Variants in KCNIP4 observed in about 807,000 individuals in gnomAD.
KCNIP4 encodes potassium voltage-gated channel interacting protein 4.
KCNIP4 carries 12 observed loss-of-function variants against 34.0 expected under a neutral mutation model. The ratio of observed to expected loss-of-function variants is 0.35; its 90% CI spans 0.23 to 0.57. KCNIP4 has a LOEUF of 0.57. Ranked by LOEUF, KCNIP4 falls within the 20% of genes least tolerant of loss-of-function variation. The pLI is 0.83. For missense variants in KCNIP4, 238 were observed against 311.7 expected, an observed-to-expected ratio of 0.76 and a Z score of 1.78; for synonymous variants, 124 against 102.2, an observed-to-expected ratio of 1.21 and a Z score of -1.29.
chr4:20,990,973 A>G (rs1737032782), intron 1 of KCNIP4, among the ~76,000 whole-genome samples: 1 of 152,226 alleles, frequency 6.6e-6, no homozygotes, highest in African/African-American at 2.4e-5. Context: ...TGCATTACAT[A>G]AACTGTCTCA....
chr4:21,519,576 ATG>A (rs1210273501), intron 1 of KCNIP4, among the ~76,000 whole-genome samples: 3 of 29,422 alleles, frequency 1.0e-4, no homozygotes, highest in Non-Finnish European at 1.4e-4. Flanking sequence ...ATATACACAT[ATG>A]TGTGTGTATG....
intron 1 of KCNIP4, among the ~76,000 whole-genome samples, chr4:21,569,119 C>T (rs1244633639): frequency 2.6e-5 from 4 of 151,222 alleles, no homozygotes; most frequent in Non-Finnish European, 5.9e-5. Flanking sequence ...TTAAGCCACC[C>T]ACTCAATTAG....
At position 20,872,033 on chromosome 4, in the gene KCNIP4, G is replaced by C. The variant is rs1226863091; in HGVS notation, c.163+10575C>G. Among the ~76,000 whole-genome samples the C allele has an allele frequency of 3.3e-5, 5 of 152,044 alleles. No individual in the cohort carries two copies. The East Asian group carries it at 7.7e-4, about 23-fold the overall frequency. Reference sequence around the variant, plus strand: ...TTCATAGTGTGTGGTATATCATAGCGATGAATCCACATACAGGATTTCTGT... The same window carrying C: ...TTCATAGTGTGTGGTATATCATAGCCATGAATCCACATACAGGATTTCTGT... On this transcript the variant is annotated intron_variant, in intron 2 of 8. Coordinates refer to ENST00000382152, the MANE Select transcript of KCNIP4 (RefSeq NM_025221.6).
chr4:21,316,144 C>G (rs1713736080), intron 1 of KCNIP4: 1 of 152,172 alleles, frequency 6.6e-6, no homozygotes, highest in Non-Finnish European at 1.5e-5. Context: ...AAGATTAACC[C>G]CTTCTTCTTT....
chr4:21,814,609 G>A (rs1265603886), intron 1 of KCNIP4, among the ~76,000 whole-genome samples: 2 of 152,122 alleles, frequency 1.3e-5, no homozygotes, highest in African/African-American at 4.8e-5. Context: ...TCAGCAGCGT[G>A]AGAAGAGACT....
chr4:21,560,849 A>G (rs751936330), intron 1 of KCNIP4, among the ~76,000 whole-genome samples: 17 of 152,074 alleles, frequency 1.1e-4, no homozygotes, highest in Non-Finnish European at 2.1e-4. Context: ...TCAGCCAACA[A>G]GTACAATACT....
chr4:21,683,025 G>T (rs1465773822), intron 1 of KCNIP4, among the ~76,000 whole-genome samples: 1 of 152,170 alleles, frequency 6.6e-6, no homozygotes, highest in Admixed American at 6.5e-5. Context: ...AAAAGGCAGG[G>T]TTGCCATGAA....
At chr4:21,336,090 T>A (rs1716150792) in intron 1 of KCNIP4, among the ~76,000 whole-genome samples, 1 of 152,178 alleles carries the variant, frequency 6.6e-6, no homozygotes, top group African/African-American at 2.4e-5. Flanking sequence ...CAAAATGGTA[T>A]CAAACTATAT....
At chr4:21,298,103 G>T (rs1376621803) in intron 1 of KCNIP4, among the ~76,000 whole-genome samples, 1 of 152,106 alleles carries the variant, frequency 6.6e-6, no homozygotes, top group East Asian at 1.9e-4. Flanking sequence ...AGTCTTGCAT[G>T]ATTGAGATGA....
chr4:21,051,582 A>G (rs1742936077), intron 1 of KCNIP4, among the ~76,000 whole-genome samples: 1 of 151,688 alleles, frequency 6.6e-6, no homozygotes, highest in Non-Finnish European at 1.5e-5. Context: ...CTTTTTTTTT[A>G]TTTTACACAT....
chr4:20,806,565 G>T (rs1320849689), intron 3 of KCNIP4, among the ~76,000 whole-genome samples: 1 of 149,578 alleles, frequency 6.7e-6, no homozygotes, highest in Non-Finnish European at 1.5e-5. Context: ...CTTGCTTCTT[G>T]TTTTACTGCT....
intron 1 of KCNIP4, among the ~76,000 whole-genome samples, chr4:21,022,056 T>C (rs1033028434): frequency 2.6e-5 from 4 of 152,142 alleles, no homozygotes; most frequent in African/African-American, 4.8e-5. Context: ...TATGATGTTA[T>C]GGCGGCTACA....
intron 1 of KCNIP4, among the ~76,000 whole-genome samples, chr4:21,393,189 A>G (rs1722703176): frequency 6.6e-6 from 1 of 152,212 alleles, no homozygotes; most frequent in African/African-American, 2.4e-5. Context: ...ACTCTCTTTC[A>G]AATGTCCATC....
intron 3 of KCNIP4, among the ~76,000 whole-genome samples, chr4:20,810,802 C>T (rs559299481): frequency 6.6e-6 from 1 of 151,930 alleles, no homozygotes; most frequent in East Asian, 1.9e-4. Flanking sequence ...TTTTTTTTAA[C>T]CTTTTGTAAC....
At chr4:20,971,684 ATGT>A (rs1239111015) in intron 1 of KCNIP4, among the ~76,000 whole-genome samples, 1 of 152,192 alleles carries the variant, frequency 6.6e-6, no homozygotes, top group Non-Finnish European at 1.5e-5. Flanking sequence ...ACTGGCCTTA[ATGT>A]TGTTGGCTGC....
intron 3 of KCNIP4, among the ~76,000 whole-genome samples, chr4:20,806,221 T>C (rs1241491859): frequency 6.6e-6 from 1 of 152,058 alleles, no homozygotes; most frequent in East Asian, 1.9e-4. Context: ...TATTTTTCCT[T>C]CCTTATATGT....
chr4:21,147,987 T>C (rs1405266080), intron 1 of KCNIP4, among the ~76,000 whole-genome samples: 1 of 102,208 alleles, frequency 9.8e-6, no homozygotes, highest in Non-Finnish European at 2.2e-5. Context: ...ACTTTGGGAA[T>C]AATAGTAAGA....
chr4:20,875,642 A>G (rs1476509856), intron 2 of KCNIP4, among the ~76,000 whole-genome samples: 2 of 152,178 alleles, frequency 1.3e-5, no homozygotes, highest in African/African-American at 2.4e-5. Flanking sequence ...GATTTTCCTG[A>G]CTACATGCCT....
intron 1 of KCNIP4, among the ~76,000 whole-genome samples, chr4:21,799,262 A>G (rs1208176675): frequency 6.6e-6 from 1 of 152,178 alleles, no homozygotes; most frequent in Non-Finnish European, 1.5e-5. Flanking sequence ...AGATGAGGTA[A>G]CTGAGATTTA....
Sources: allele counts gnomAD v4.1 joint callset (sites outside exome capture counted in the v4.1 genomes callset), GRCh38; gene constraint gnomAD v4.1.1; transcripts MANE v1.5; gene names NCBI Gene and HGNC (gene_info 2026-07-23, HGNC 2026-07-21).